Variants in AKT2 observed in about 807,000 individuals in gnomAD.
AKT2 encodes the protein AKT serine/threonine kinase 2.
AKT2 carries 16 observed loss-of-function variants against 58.6 expected under a neutral mutation model. That is an observed-to-expected ratio of 0.27 (90% CI 0.18 to 0.41). The LOEUF is 0.41. Among genes scored for constraint, AKT2 ranks in the 10% least tolerant of loss-of-function variants. AKT2 has a pLI of 1.00. For missense variants in AKT2, 438 were observed against 661.0 expected, an observed-to-expected ratio of 0.66 and a Z score of 3.70; for synonymous variants, 253 against 254.0, an observed-to-expected ratio of 1.00 and a Z score of 0.04.
Position 40,242,438 on chromosome 19 carries a change from C to T in AKT2, c.441+96G>A, listed in dbSNP as rs1013206082. The T allele has an allele frequency of 5.1e-6, 8 of 1,562,910 alleles. No individual in the cohort carries two copies. Among genetic ancestry groups the T allele is most frequent in the Non-Finnish European group, 7.0e-6 (8 of 1,144,016 alleles). On this transcript the variant is annotated intron_variant, in intron 5 of 13. Transcript: ENST00000392038. This position sits in a 1 kb window ranked among gnomAD's most constrained non-coding sequence, Gnocchi z 4.3. ...GGGCAGCCTTGTCTCTCAGCTGAGCCCCCTGAACTGTGTTATGGAAACCAA... is the reference window on the plus strand; with the variant it reads ...GGGCAGCCTTGTCTCTCAGCTGAGCTCCCTGAACTGTGTTATGGAAACCAA...
intron 3 of AKT2, 82 bp downstream of exon 3, chr19:40,256,844 A>C: frequency 6.2e-7 from 1 of 1,600,632 alleles, no homozygotes; most frequent in Non-Finnish European, 8.6e-7. Flanking sequence ...CCATGGCTCA[A>C]TGACCAAGTC....
intron 1 of AKT2, chr19:40,275,338 G>A (rs779065390): frequency 2.2e-5 from 10 of 456,072 alleles, no homozygotes; most frequent in South Asian, 1.2e-4. Flanking sequence ...GCTCTGCATC[G>A]CCACCACCTC....
At chr19:40,244,518 A>T (rs530096424) in intron 4 of AKT2, 1 of 152,376 alleles carries the variant, frequency 6.6e-6, no homozygotes, top group African/African-American at 2.4e-5. Flanking sequence ...AGGCTGAATT[A>T]CACCAAATTG....
Position 40,242,277 on chromosome 19 carries a change from C to T in AKT2, c.442-208G>A, listed in dbSNP as rs1256137910. On this transcript the variant is annotated intron_variant, in intron 5 of 13. Coordinates refer to ENST00000392038, the MANE Select transcript of AKT2 (RefSeq NM_001626.6). The surrounding 1 kb of genome is among the most constrained non-coding windows in gnomAD (Gnocchi z 4.3). Reference sequence around the variant, plus strand: ...GGCACAGGGCCTTGGGAGGGCTGGGCTCTGACGTGGGGGTAGCCAGGTCTT... The same window carrying T: ...GGCACAGGGCCTTGGGAGGGCTGGGTTCTGACGTGGGGGTAGCCAGGTCTT... The T allele has an allele frequency of 4.6e-6, 4 of 878,786 alleles. No individual in the cohort carries two copies. In the South Asian group the frequency reaches 4.7e-5, roughly 10 times the overall value. The allele number at this position is 878,786 out of a possible 1,614,324, so 54.4% of individuals were successfully genotyped here.
intron 1 of AKT2, chr19:40,275,493 C>T (rs567553272): frequency 1.1e-3 from 418 of 368,848 alleles, no homozygotes; most frequent in African/African-American, 7.9e-3. Context: ...ATCCCCGTTC[C>T]TCACATGGGA....
At chr19:40,273,426 G>C (rs2077252708) in intron 1 of AKT2, 1 of 149,080 alleles carries the variant, frequency 6.7e-6, no homozygotes, top group Non-Finnish European at 1.5e-5. Context: ...CTGAACAGGT[G>C]AATTTTTACC....
In AKT2 at chr19:40,242,701, C is replaced by T. The variant is rs1410941267; in HGVS notation, c.288-14G>A. On this transcript the variant is annotated splice_polypyrimidine_tract_variant and intron_variant, in intron 4 of 13. Coordinates refer to ENST00000392038, the MANE Select transcript of AKT2 (RefSeq NM_001626.6). This position sits in a 1 kb window ranked among gnomAD's most constrained non-coding sequence, Gnocchi z 4.3. Reference sequence around the variant, plus strand: ...ATCCACTCCTCCCTGTGCAGGGACACACGTGAGTCCCAGCAGCCAGGAGTC... The same window carrying T: ...ATCCACTCCTCCCTGTGCAGGGACATACGTGAGTCCCAGCAGCCAGGAGTC... 1 of 1,609,048 alleles carries T rather than the reference C, an allele frequency of 6.2e-7. No individual in the cohort carries two copies. The highest frequency in any genetic ancestry group is 1.3e-5 in the African/African-American group (1 of 75,010).
chr19:40,258,079 T>C (rs1054171528), intron 2 of AKT2, among the ~76,000 whole-genome samples: 1 of 151,306 alleles, frequency 6.6e-6, no homozygotes, highest in Admixed American at 6.6e-5. Context: ...AAACCCCATC[T>C]CTACTAAAAA....
At chr19:40,258,853 C>A (rs1459061016) in intron 2 of AKT2, among the ~76,000 whole-genome samples, 1 of 152,102 alleles carries the variant, frequency 6.6e-6, no homozygotes, top group Non-Finnish European at 1.5e-5. Context: ...AGATTCAATG[C>A]AATCCCTATC....
At position 40,235,934 on chromosome 19, in the gene AKT2, G is replaced by A; in HGVS notation, c.1131C>T (p.Ala377=). ...TAAGCAGCCCAGCAAGCAGGGACTT[G>A]GCCTCGGGGCTGAGCGTGCGCGGGA... ...IRFPRTLSPE[A]KSLLAGLLKK... The change falls in exon 11 of 14, where the codon GCC becomes GCT. Residue 377 remains alanine (A), a synonymous_variant. Transcript: ENST00000392038. The surrounding 1 kb of genome is among the most constrained non-coding windows in gnomAD (Gnocchi z 6.3). 1.2e-6 allele frequency: 2 copies of A among 1,613,696 alleles called. No individual in the cohort carries two copies. Among genetic ancestry groups the A allele is most frequent in the South Asian group, 2.2e-5 (2 of 91,082 alleles).
rs746161250 is a variant in AKT2 at position 40,275,132 on chromosome 19, A to G, written c.-84-9781T>C. On this transcript the variant is annotated intron_variant, in intron 1 of 13. Transcript: ENST00000392038. The stretch of plus-strand genomic sequence containing the variant: ...GCGAGAGACAGCAGGGACACAGCCA[A>G]GGAGCCCGGACCCCTCTCCTCCGAG... 2.1e-4 allele frequency: 98 copies of G among 456,794 alleles called. 3 individuals are homozygous for G. In the Middle Eastern group the frequency reaches 9.8e-3, roughly 45 times the overall value. 28.3% of individuals were successfully genotyped at this position (456,794 alleles called of 1,614,324 possible). A position where few individuals can be genotyped will look rare whatever the true frequency, so the allele number is the denominator to read the frequency against.
At chr19:40,261,199 A>C (rs928724874) in intron 2 of AKT2, among the ~76,000 whole-genome samples, 3 of 152,176 alleles carry the variant, frequency 2.0e-5, no homozygotes, top group Admixed American at 2.0e-4. Context: ...CACCCTCATG[A>C]ATGGATTAAT....
rs751102365 is a variant in AKT2 at position 40,237,944 on chromosome 19, G to C, written c.831+25C>G. 6.2e-7 allele frequency: 1 copy of C among 1,611,482 alleles called. No homozygotes were observed. Among genetic ancestry groups the C allele is most frequent in the South Asian group, 1.1e-5 (1 of 90,830 alleles). On this transcript the variant is annotated intron_variant, in intron 9 of 13. Transcript: ENST00000392038. This position sits in a 1 kb window ranked among gnomAD's most constrained non-coding sequence, Gnocchi z 4.5. ...CATGTGGTGTGCATGCCACAGGTCA[G>C]CCTGGCGCACACCCTGCCACTAACC...
chr19:40,264,752 C>T (rs915112155), intron 2 of AKT2, among the ~76,000 whole-genome samples: 1 of 151,692 alleles, frequency 6.6e-6, no homozygotes, highest in African/African-American at 2.4e-5. Flanking sequence ...ACTCACAGTT[C>T]CCACTTTTCA....
chr19:40,278,312 G>A (rs527731887), intron 1 of AKT2, among the ~76,000 whole-genome samples: 4 of 152,160 alleles, frequency 2.6e-5, no homozygotes, highest in Non-Finnish European at 4.4e-5. Flanking sequence ...CCTGTACAAC[G>A]GGGACGATCG....
intron 1 of AKT2, among the ~76,000 whole-genome samples, chr19:40,278,584 T>C (rs963220828): frequency 6.6e-6 from 1 of 152,024 alleles, no homozygotes; most frequent in Non-Finnish European, 1.5e-5. Context: ...CATTCCTGTC[T>C]GGAGCCCTCC....
chr19:40,267,004 TTC>T (rs1031433755), intron 1 of AKT2, among the ~76,000 whole-genome samples: 2 of 152,052 alleles, frequency 1.3e-5, no homozygotes, highest in Non-Finnish European at 2.9e-5. Context: ...TCTCCCACTG[TTC>T]TGTGTGTCAA....
At position 40,233,501 on chromosome 19, in the gene AKT2, G is replaced by A. The variant is rs1973820004; in HGVS notation, c.*371C>T. 2 of 585,292 alleles carry A rather than the reference G, an allele frequency of 3.4e-6. No homozygotes were observed. The highest frequency in any genetic ancestry group is 3.6e-5 in the African/African-American group (2 of 55,898). 36.3% of individuals were successfully genotyped at this position (585,292 alleles called of 1,614,324 possible). On this transcript the variant is annotated 3_prime_UTR_variant, in exon 14 of 14. Coordinates refer to ENST00000392038, the MANE Select transcript of AKT2 (RefSeq NM_001626.6). The surrounding 1 kb of genome is among the most constrained non-coding windows in gnomAD (Gnocchi z 4.3). ...AGAAGGCAGCCTTCGTCCAGATGCA[G>A]CAGCGCGGAGGCAGACACCAGCACG... is the stretch of plus-strand genomic sequence containing the variant.
At position 40,238,446 on chromosome 19, in the gene AKT2, G is replaced by A. The variant is rs189685017; in HGVS notation, c.709-355C>T. On this transcript the variant is annotated intron_variant, in intron 8 of 13. Coordinates refer to ENST00000392038, the MANE Select transcript of AKT2 (RefSeq NM_001626.6). The surrounding 1 kb of genome is among the most constrained non-coding windows in gnomAD (Gnocchi z 5.1). ...GCAAACCACGCATCCCAAAGCAGGT[G>A]TGCCAACCACTGCACAGAGAAGGCG... is the stretch of plus-strand genomic sequence containing the variant. 3.9e-5 allele frequency among the ~76,000 whole-genome samples: 6 copies of A among 152,236 alleles called. No individual in the cohort carries two copies. The highest frequency in any genetic ancestry group is 1.4e-4 in the African/African-American group (6 of 41,462).
Sources: gnomAD v4.1 joint callset for allele counts (sites outside exome capture counted in the v4.1 genomes callset) on GRCh38, gnomAD v4.1.1 for gene constraint, Gnocchi (gnomAD v3.1) non-coding constraint, MANE v1.5 for transcripts, NCBI Gene and HGNC (gene_info 2026-07-23, HGNC 2026-07-21) for gene names.